DKK2: variants seen among roughly 807,000 people sequenced by gnomAD.
DKK2 encodes dickkopf Wnt signaling pathway inhibitor 2.
DKK2 carries 11 observed loss-of-function variants against 28.1 expected under a neutral mutation model. The ratio of observed to expected loss-of-function variants is 0.39; its 90% CI spans 0.25 to 0.65. DKK2 has a LOEUF of 0.65. Ranked by LOEUF, DKK2 falls within the 30% of genes least tolerant of loss-of-function variation. The pLI is 0.47. For missense variants in DKK2, 326 were observed against 335.5 expected, an observed-to-expected ratio of 0.97 and a Z score of 0.22; for synonymous variants, 135 against 126.5, an observed-to-expected ratio of 1.07 and a Z score of -0.45.
chr4:107,000,814 G>T (rs959298938), intron 1 of DKK2, among the ~76,000 whole-genome samples: 3 of 152,206 alleles, frequency 2.0e-5, no homozygotes, highest in Admixed American at 6.5e-5. Context: ...AACAGAATTT[G>T]TATCAAGTAT....
intron 1 of DKK2, among the ~76,000 whole-genome samples, chr4:106,963,267 C>T (rs1036155129): frequency 9.9e-5 from 15 of 151,664 alleles, no homozygotes; most frequent in Admixed American, 2.0e-4. Flanking sequence ...GCAGGAGAAT[C>T]GCTTGAACCC....
chr4:106,930,409 C>T (rs1298585320), intron 1 of DKK2, among the ~76,000 whole-genome samples: 1 of 152,050 alleles, frequency 6.6e-6, no homozygotes, highest in Non-Finnish European at 1.5e-5. Context: ...GAAAATACAA[C>T]AATGAAGTAA....
At chr4:106,953,178 T>A (rs1037958813) in intron 1 of DKK2, among the ~76,000 whole-genome samples, 5 of 152,192 alleles carry the variant, frequency 3.3e-5, no homozygotes, top group African/African-American at 1.2e-4. Flanking sequence ...AATTTTTCTG[T>A]AGACACCAGC....
At chr4:106,981,236 A>T (rs1723023683) in intron 1 of DKK2, among the ~76,000 whole-genome samples, 1 of 152,156 alleles carries the variant, frequency 6.6e-6, no homozygotes, top group Non-Finnish European at 1.5e-5. Context: ...AAAAAAAGAA[A>T]TTAATGATAA....
At chr4:106,994,491 C>CCA (rs112978532) in intron 1 of DKK2, among the ~76,000 whole-genome samples, 2,544 of 145,746 alleles carry the variant, frequency 0.017, 42 homozygotes, top group East Asian at 0.04. Context: ...CACATGTACA[C>CCA]CACACACACA....
Position 106,924,168 on chromosome 4 carries a change from C to T in DKK2, c.566G>A (p.Cys189Tyr). 6.2e-7 allele frequency: 1 copy of T among 1,613,900 alleles called. No homozygotes were observed. Residue 189 changes from cysteine to tyrosine, a missense_variant, in exon 4 of 4, where the codon TGC (cysteine) becomes TAC (tyrosine). Transcript: ENST00000285311. ...ACGAGCACAGCAAAACCCTTCAATG[C>T]AGTCTGATGATCGTAGGCAGGGGTC... ...EGDPCLRSSD[C>Y]IEGFCCARHF... is the part of the protein sequence containing the mutation.
rs184115676 is a variant in DKK2 at position 106,961,987 on chromosome 4, C to T, written c.223-36038G>A. On this transcript the variant is annotated intron_variant, in intron 1 of 3. Transcript: ENST00000285311. ...AGAACATAAATCCACCGATAATTCT[C>T]AAGTCTTAGCTTGTCAAACTATCAT... Among the ~76,000 whole-genome samples the T allele has an allele frequency of 7.9e-4, 120 of 152,278 alleles. 2 individuals are homozygous for T. Among genetic ancestry groups the T allele is most frequent in the Admixed American group, 6.5e-3 (100 of 15,292 alleles).
intron 1 of DKK2, among the ~76,000 whole-genome samples, chr4:106,940,215 C>A (rs1724672397): frequency 6.6e-6 from 1 of 152,150 alleles, no homozygotes; most frequent in Non-Finnish European, 1.5e-5. Context: ...ACTCATCTGA[C>A]AAAGGGCTAA....
At chr4:107,006,951 CAT>C (rs756426820) in intron 1 of DKK2, among the ~76,000 whole-genome samples, 1 of 151,516 alleles carries the variant, frequency 6.6e-6, no homozygotes, top group Non-Finnish European at 1.5e-5. Flanking sequence ...ACACAACAAA[CAT>C]GTCGAACATC....
chr4:106,953,558 C>T (rs1047557653), intron 1 of DKK2, among the ~76,000 whole-genome samples: 3 of 152,150 alleles, frequency 2.0e-5, no homozygotes, highest in African/African-American at 4.8e-5. Context: ...GGTTACAGAT[C>T]AGACGTTTCA....
intron 1 of DKK2, among the ~76,000 whole-genome samples, chr4:106,939,949 A>G (rs1724667997): frequency 1.3e-5 from 2 of 152,334 alleles, no homozygotes; most frequent in Admixed American, 1.3e-4. Flanking sequence ...ACCTTATACA[A>G]AAATCAATTC....
At chr4:107,000,737 A>C (rs142370652) in intron 1 of DKK2, among the ~76,000 whole-genome samples, 1 of 152,326 alleles carries the variant, frequency 6.6e-6, no homozygotes, top group East Asian at 1.9e-4. Flanking sequence ...ATGATGCCAG[A>C]ATCTTTATAC....
chr4:107,026,682 A>G (rs142809318), intron 1 of DKK2, among the ~76,000 whole-genome samples: 2 of 152,254 alleles, frequency 1.3e-5, no homozygotes, highest in African/African-American at 4.8e-5. Context: ...TGATTGTTAT[A>G]GCTTTAATTA....
intron 1 of DKK2, among the ~76,000 whole-genome samples, chr4:106,958,218 A>T (rs1046515235): frequency 2.0e-5 from 3 of 151,714 alleles, no homozygotes; most frequent in Non-Finnish European, 2.9e-5. Flanking sequence ...TTAATAATAA[A>T]AAAAAGCTAT....
intron 1 of DKK2, among the ~76,000 whole-genome samples, chr4:106,933,956 G>A (rs1365807140): frequency 6.6e-6 from 1 of 150,434 alleles, no homozygotes; most frequent in African/African-American, 2.5e-5. Flanking sequence ...TAAGTTTCCT[G>A]TAAATGTGTG....
chr4:106,957,688 AT>A, intron 1 of DKK2, among the ~76,000 whole-genome samples: 2 of 137,520 alleles, frequency 1.5e-5, no homozygotes, highest in Admixed American at 1.6e-4. Flanking sequence ...TCACTCATAG[AT>A]GGGAATTGAA....
At chr4:106,971,625 T>A (rs886675372) in intron 1 of DKK2, among the ~76,000 whole-genome samples, 1 of 152,156 alleles carries the variant, frequency 6.6e-6, no homozygotes, top group African/African-American at 2.4e-5. Flanking sequence ...CTGCTATTAC[T>A]TATTTCTACT....
intron 1 of DKK2, among the ~76,000 whole-genome samples, chr4:107,027,908 C>T (rs892822382): frequency 6.6e-6 from 1 of 152,010 alleles, no homozygotes; most frequent in Non-Finnish European, 1.5e-5. Flanking sequence ...CCTGCCACCA[C>T]GCCCGGCTAA....
intron 1 of DKK2, among the ~76,000 whole-genome samples, chr4:106,941,878 CAT>C (rs1192174247): frequency 1.3e-5 from 2 of 152,126 alleles, no homozygotes; most frequent in South Asian, 2.1e-4. Context: ...AATATGACCA[CAT>C]GTTATTTATT....
Sources: allele counts gnomAD v4.1 joint callset (sites outside exome capture counted in the v4.1 genomes callset), GRCh38; gene constraint gnomAD v4.1.1; transcripts MANE v1.5; gene names NCBI Gene and HGNC (gene_info 2026-07-23, HGNC 2026-07-21).